KCTD1: variants seen among roughly 807,000 people sequenced by gnomAD.
The protein encoded by KCTD1 is BTB/POZ domain-containing protein KCTD1.
In KCTD1, 24 loss-of-function variants were observed where a neutral mutation model predicts 66.0. The observed-to-expected ratio is 0.36, with a 90% CI of 0.26 to 0.51. The LOEUF (loss-of-function observed/expected upper bound fraction) is 0.51. Among genes scored for constraint, KCTD1 ranks in the 20% least tolerant of loss-of-function variants. The probability of loss-of-function intolerance (pLI) is 0.95; values close to 1 mark genes in which losing one functional copy is unlikely to be tolerated. For synonymous variants in KCTD1, 511 were observed against 517.2 expected (o/e 0.99, Z 0.16); for missense variants, 943 against 1,205.2 (o/e 0.78, Z 3.22).
At chr18:26,655,004 G>A (rs1029793015) in intron 1 of KCTD1, among the ~76,000 whole-genome samples, 2 of 152,210 alleles carry the variant, frequency 1.3e-5, no homozygotes, top group Non-Finnish European at 2.9e-5. Context: ...GAGACAAACG[G>A]ATCCACTGCT....
intron 1 of KCTD1, among the ~76,000 whole-genome samples, chr18:26,505,737 T>C (rs1983001526): frequency 6.6e-6 from 1 of 152,036 alleles, no homozygotes; most frequent in Non-Finnish European, 1.5e-5. Flanking sequence ...ATAACATTTT[T>C]TTGTAGACAC....
chr18:26,458,637 G>A (rs1212215742), intron 4 of KCTD1: 1 of 152,468 alleles, frequency 6.6e-6, no homozygotes, highest in Non-Finnish European at 1.5e-5. Context: ...ATTAGCCTCT[G>A]AGTTCTCAAT....
At chr18:26,590,466 C>A (rs920640982) in intron 1 of KCTD1, among the ~76,000 whole-genome samples, 17 of 152,230 alleles carry the variant, frequency 1.1e-4, no homozygotes, top group Admixed American at 7.8e-4. Flanking sequence ...CCAAAGCATC[C>A]TAAGCAAATT....
At position 26,548,477 on chromosome 18, in the gene KCTD1, AGCGCTG is replaced by A. The variant is rs1178169580; in HGVS notation, c.54_59del (p.Ser19_Ala20del). On this transcript the variant is annotated inframe_deletion, in exon 1 of 5. Transcript: ENST00000580059. The stretch of plus-strand genomic sequence containing the variant: ...CATTGTTCTCGGCGGCGGCGGCGGC[AGCGCTG>A]GCGCTGCCGCCCGCGCTGGTGTTAC... The A allele has an allele frequency of 1.2e-5, 14 of 1,213,782 alleles. No individual in the cohort carries two copies. Among genetic ancestry groups the A allele is most frequent in the South Asian group, 3.8e-5 (1 of 26,128 alleles). The allele number at this position is 1,213,782 out of a possible 1,614,324, so 75.2% of individuals were successfully genotyped here. A position where few individuals can be genotyped will look rare whatever the true frequency, so the allele number is the denominator to read the frequency against.
chr18:26,456,917 T>A (rs1391524956), intron 4 of KCTD1: 1 of 148,020 alleles, frequency 6.8e-6, no homozygotes, highest in Non-Finnish European at 1.5e-5. Flanking sequence ...AGTGATTCAA[T>A]CATAACTTAA....
rs959694874 is a variant in KCTD1 at position 26,548,485 on chromosome 18, CGCTGCCGCCCGCGCTGGT to C, written c.34_51del (p.Thr12_Ser17del). On this transcript the variant is annotated inframe_deletion, in exon 1 of 5. Transcript: ENST00000580059. ...TCGGCGGCGGCGGCGGCAGCGCTGG[CGCTGCCGCCCGCGCTGGT>C]GTTACAGTCCCCGCTGCCAGGCATT... is the stretch of plus-strand genomic sequence containing the variant. 2.9e-5 allele frequency: 36 copies of C among 1,237,986 alleles called. No homozygotes were observed. The East Asian group carries it at 5.3e-4, about 18-fold the overall frequency. 76.7% of individuals were successfully genotyped at this position (1,237,986 alleles called of 1,614,324 possible).
At chr18:26,517,355 T>C (rs57021613) in intron 1 of KCTD1, among the ~76,000 whole-genome samples, 3,753 of 152,030 alleles carry the variant, frequency 0.025, 162 homozygotes, top group African/African-American at 0.085. Context: ...CTGATGGTTT[T>C]AAAAAAGGGG....
chr18:26,550,318 C>T (rs1015946551), upstream of KCTD1, among the ~76,000 whole-genome samples: 2 of 152,110 alleles, frequency 1.3e-5, no homozygotes, highest in African/African-American at 4.8e-5. This position sits in a 1 kb window ranked among gnomAD's most constrained non-coding sequence, Gnocchi z 5.4. Flanking sequence ...CAATTGAAAC[C>T]CATCCATCAA....
Position 26,547,157 on chromosome 18 carries a change from C to G in KCTD1, c.1380G>C (p.Thr460=). 1.3e-6 allele frequency: 2 copies of G among 1,551,004 alleles called. No individual in the cohort carries two copies. Among genetic ancestry groups the G allele is most frequent in the Middle Eastern group, 1.7e-4 (1 of 5,984 alleles). ...TGCCAATGCCCGCGATGCTGTTGAG[C>G]GTGGCGATGGAGACGGCGCCGATGC... ...NHCIGAVSIA[T]LNSIAGIGTK... is the part of the protein sequence containing the mutation. The change falls in exon 1 of 5, where the codon ACG becomes ACC. Residue 460 remains threonine, a synonymous_variant. Transcript: ENST00000580059.
At chr18:26,626,219 C>A (rs929641517) in intron 1 of KCTD1, among the ~76,000 whole-genome samples, 1 of 151,844 alleles carries the variant, frequency 6.6e-6, no homozygotes, top group African/African-American at 2.4e-5. Context: ...CTTTCTGTTG[C>A]TTGCAATCAA....
Position 26,545,564 on chromosome 18 carries a change from T to C in KCTD1, c.1809+1164A>G, listed in dbSNP as rs572798293. ...AAAAAGCACAGAGGTACCTGACATA[T>C]GTTCCTGGAGGGCCTGCACTATACC... On this transcript the variant is annotated intron_variant, in intron 1 of 4. Coordinates refer to ENST00000580059, the MANE Select transcript of KCTD1 (RefSeq NM_001142730.3). 85 of 152,170 alleles carry C rather than the reference T, an allele frequency of 5.6e-4. 1 individual carries two copies. Among genetic ancestry groups the C allele is most frequent in the African/African-American group, 1.9e-3 (79 of 41,524 alleles). 9.4% of individuals were successfully genotyped at this position (152,170 alleles called of 1,614,324 possible).
intron 1 of KCTD1, among the ~76,000 whole-genome samples, chr18:26,595,313 T>C (rs1476343677): frequency 6.6e-6 from 1 of 152,208 alleles, no homozygotes; most frequent in African/African-American, 2.4e-5. Flanking sequence ...TTCTCTGATA[T>C]GGCAGAAGCC....
upstream of KCTD1, among the ~76,000 whole-genome samples, chr18:26,631,798 C>G (rs1987623876): frequency 6.6e-6 from 1 of 152,164 alleles, no homozygotes; most frequent in South Asian, 2.1e-4. Context: ...CCTGTAATCC[C>G]AACACTCTGG....
At chr18:26,514,141 A>G (rs1258213440) in intron 1 of KCTD1, among the ~76,000 whole-genome samples, 1 of 152,204 alleles carries the variant, frequency 6.6e-6, no homozygotes, top group African/African-American at 2.4e-5. Context: ...CAGAGAAAAA[A>G]TTTGTCTCAA....
At chr18:26,539,364 G>A (rs890564503) in intron 1 of KCTD1, among the ~76,000 whole-genome samples, 9 of 152,208 alleles carry the variant, frequency 5.9e-5, no homozygotes, top group African/African-American at 2.2e-4. Context: ...CACATGCACT[G>A]CCTAGGAGTC....
chr18:26,644,148 C>G (rs903354462), upstream of KCTD1, among the ~76,000 whole-genome samples: 5 of 152,082 alleles, frequency 3.3e-5, no homozygotes, highest in African/African-American at 1.2e-4. Context: ...GATTTTTTGC[C>G]TTGTATTTCT....
At chr18:26,537,351 C>T (rs2144798189) in intron 1 of KCTD1, among the ~76,000 whole-genome samples, 1 of 152,148 alleles carries the variant, frequency 6.6e-6, no homozygotes, top group East Asian at 1.9e-4. Flanking sequence ...ATACAATATG[C>T]TATTCTATAA....
At chr18:26,598,937 G>C (rs940693952) in intron 1 of KCTD1, among the ~76,000 whole-genome samples, 1 of 152,062 alleles carries the variant, frequency 6.6e-6, no homozygotes, top group African/African-American at 2.4e-5. Flanking sequence ...TTCCTATTCT[G>C]TGGGTTGTCT....
At chr18:26,632,534 G>T (rs1405197614), upstream of KCTD1, among the ~76,000 whole-genome samples, 1 of 152,138 alleles carries the variant, frequency 6.6e-6, no homozygotes, top group Non-Finnish European at 1.5e-5. Flanking sequence ...TTGGAAAGAA[G>T]AAATAAATAT....
Sources: allele counts gnomAD v4.1 joint callset (sites outside exome capture counted in the v4.1 genomes callset), GRCh38; gene constraint gnomAD v4.1.1; non-coding constraint Gnocchi (gnomAD v3.1); transcripts MANE v1.5; gene names NCBI Gene and HGNC (gene_info 2026-07-23, HGNC 2026-07-21).